The following MPV17L variants were observed in gnomAD, a reference collection of about 807,000 sequenced individuals.
The protein encoded by MPV17L is MPV17 mitochondrial inner membrane protein like.
A neutral mutation model predicts 25.8 loss-of-function variants in MPV17L; 24 were observed. The ratio of observed to expected loss-of-function variants is 0.93; its 90% CI spans 0.67 to 1.31. MPV17L has a LOEUF of 1.31. Ranked by LOEUF, MPV17L falls within the 50% of genes most tolerant of loss-of-function variation. The probability of loss-of-function intolerance (pLI) is 0.00; values close to 1 mark genes in which losing one functional copy is unlikely to be tolerated. For missense variants in MPV17L, 250 were observed against 265.6 expected (o/e 0.94, Z 0.41); for synonymous variants, 102 against 115.3 (o/e 0.88, Z 0.74).
intron 1 of MPV17L, among the ~76,000 whole-genome samples, chr16:15,397,061 G>T (rs530550997): frequency 1.3e-5 from 2 of 152,230 alleles, no homozygotes; most frequent in East Asian, 3.9e-4. Flanking sequence ...CCACCAAGAG[G>T]CGGATTTTGA....
intron 2 of MPV17L, 135 bp from the exon 3 acceptor site, chr16:15,407,689 C>T: frequency 2.5e-6 from 2 of 807,592 alleles, no homozygotes; most frequent in Non-Finnish European, 3.8e-6. Context: ...TTGCGGTGAG[C>T]TAAGATTGCA....
intron 2 of MPV17L, among the ~76,000 whole-genome samples, chr16:15,402,678 T>TTTTG (rs1013886582): frequency 6.6e-6 from 1 of 152,174 alleles, no homozygotes; most frequent in Non-Finnish European, 1.5e-5. Context: ...GTTTTGGTTT[T>TTTTG]TTTGTTTGTT....
rs768445626 is a variant in MPV17L, at chr16:15,396,129, G to C, written c.232G>C (p.Ala78Pro). 37 of 1,547,016 alleles carry C rather than the reference G, an allele frequency of 2.4e-5. No homozygotes were observed. The South Asian group carries it at 4.3e-4, about 18-fold the overall frequency. Residue 78 changes from alanine (A) to proline (P), a missense_variant, in exon 1 of 4, where the codon GCG becomes CCG. Physicochemically the swap from Ala to Pro is conservative, Grantham distance 27. Transcript: ENST00000396385. Reference protein sequence around the residue: ...RLLERALPGRAPHALLAKLLC... With the variant: ...RLLERALPGRPPHALLAKLLC... ...GCTGGAGCGCGCGCTCCCGGGCCGAGCGCCGCACGCCCTGCTGGCCAAGTT... is the reference window on the plus strand; with the variant it reads ...GCTGGAGCGCGCGCTCCCGGGCCGACCGCCGCACGCCCTGCTGGCCAAGTT...
At position 15,410,921 on chromosome 16, in the gene MPV17L, TAAG is replaced by T. The variant is rs1298997158; in HGVS notation, c.*2814_*2816del. ...ATACAATGGAAAAATGGTTTCGTAATAAGAAGATACATTTTAACATCAAAACGT... is the reference window on the plus strand; with the variant it reads ...ATACAATGGAAAAATGGTTTCGTAATAAGATACATTTTAACATCAAAACGT... On this transcript the variant is annotated 3_prime_UTR_variant, in exon 4 of 4. Coordinates refer to ENST00000396385, the MANE Select transcript of MPV17L (RefSeq NM_001128423.2). 1 of 151,322 alleles carries T rather than the reference TAAG, an allele frequency of 6.6e-6. No homozygotes were observed. Among genetic ancestry groups the T allele is most frequent in the African/African-American group, 2.5e-5 (1 of 40,600 alleles). The allele number at this position is 151,322 out of a possible 1,614,324, so 9.4% of individuals were successfully genotyped here.
intron 2 of MPV17L, among the ~76,000 whole-genome samples, chr16:15,403,926 G>C (rs1211558571): frequency 1.3e-5 from 2 of 151,980 alleles, no homozygotes; most frequent in Non-Finnish European, 2.9e-5. Flanking sequence ...ACAGCACTTT[G>C]GTAGGCCAAG....
At chr16:15,403,665 A>G (rs547325298) in intron 2 of MPV17L, among the ~76,000 whole-genome samples, 1 of 141,270 alleles carries the variant, frequency 7.1e-6, no homozygotes, top group African/African-American at 2.6e-5. Flanking sequence ...GAGTGAGACC[A>G]TGGTTCAAAA....
At chr16:15,407,660 T>C (rs1160070051) in intron 2 of MPV17L, among the ~76,000 whole-genome samples, 164 bp from the exon 3 acceptor site, 1 of 151,996 alleles carries the variant, frequency 6.6e-6, no homozygotes, top group East Asian at 1.9e-4. Context: ...GACAATTGCT[T>C]GAACCCAGGA....
At chr16:15,401,289 A>C (rs1159090130) in intron 2 of MPV17L, among the ~76,000 whole-genome samples, 1 of 150,682 alleles carries the variant, frequency 6.6e-6, no homozygotes, top group Non-Finnish European at 1.5e-5. Context: ...ATTATTTTTA[A>C]ATTTTTTGGT....
At chr16:15,403,145 A>G (rs139906372) in intron 2 of MPV17L, among the ~76,000 whole-genome samples, 15,812 of 150,240 alleles carry the variant, frequency 0.11, 878 homozygotes, top group South Asian at 0.13. Flanking sequence ...GGAGGCGGGT[A>G]GATCACAAGG....
chr16:15,396,300 T>A (rs952903864), intron 1 of MPV17L, 93 bp downstream of exon 1: 1 of 1,453,540 alleles, frequency 6.9e-7, no homozygotes, highest in Admixed American at 2.2e-5. Context: ...GGGAGGGCGC[T>A]GCAGGAGCCT....
rs1293366254 is a variant in MPV17L at position 15,413,121 on chromosome 16, G to A, written c.*5009G>A. The A allele has an allele frequency of 3.9e-5, 6 of 152,142 alleles. No individual in the cohort carries two copies. Among genetic ancestry groups the A allele is most frequent in the Non-Finnish European group, 7.3e-5 (5 of 68,034 alleles). 9.4% of individuals were successfully genotyped at this position (152,142 alleles called of 1,614,324 possible). A position where few individuals can be genotyped will look rare whatever the true frequency, so the allele number is the denominator to read the frequency against. On this transcript the variant is annotated 3_prime_UTR_variant, in exon 4 of 4. Coordinates refer to ENST00000396385, the MANE Select transcript of MPV17L (RefSeq NM_001128423.2). ...TATATTCTGGAGGCAGCTTTCATTT[G>A]AAATTAGGTTCATCTTCTGAGAGTA...
Position 15,410,808 on chromosome 16 carries a change from T to C in MPV17L, c.*2696T>C, listed in dbSNP as rs1029954787. ...TTTACCTGAATGTAAAAGGCATTAATATATTTTACATTATTGGGACCATAG... is the reference window on the plus strand; with the variant it reads ...TTTACCTGAATGTAAAAGGCATTAACATATTTTACATTATTGGGACCATAG... On this transcript the variant is annotated 3_prime_UTR_variant, in exon 4 of 4. Coordinates refer to ENST00000396385, the MANE Select transcript of MPV17L (RefSeq NM_001128423.2). 6.6e-6 allele frequency: 1 copy of C among 152,228 alleles called. No homozygotes were observed. The highest frequency in any genetic ancestry group is 1.5e-5 in the Non-Finnish European group (1 of 68,042). The allele number at this position is 152,228 out of a possible 1,614,324, so 9.4% of individuals were successfully genotyped here. A position where few individuals can be genotyped will look rare whatever the true frequency, so the allele number is the denominator to read the frequency against.
intron 1 of MPV17L, among the ~76,000 whole-genome samples, chr16:15,397,632 C>T (rs1024808623): frequency 6.6e-5 from 10 of 152,098 alleles, no homozygotes; most frequent in Admixed American, 2.6e-4. Context: ...CAGATCTCCC[C>T]CCAAATGGGA....
At position 15,407,977 on chromosome 16, in the gene MPV17L, C is replaced by T. The variant is rs749677483; in HGVS notation, c.456C>T (p.Tyr152=). 8.1e-6 allele frequency: 13 copies of T among 1,613,846 alleles called. No homozygotes were observed. The highest frequency in any genetic ancestry group is 4.5e-5 in the East Asian group (2 of 44,888). ...TTCCTGTTCAATGGAGAACAGCTTA[C>T]GCTGGAGTCTGTGGTTTTCTCTGGG... ...SLVPVQWRTA[Y]AGVCGFLWAT... is the part of the protein sequence containing the mutation. Residue 152 remains tyrosine (Y), a synonymous_variant, in exon 4 of 4, where the codon TAC becomes TAT. Transcript: ENST00000396385.
At chr16:15,397,556 G>A (rs2050598104) in intron 1 of MPV17L, among the ~76,000 whole-genome samples, 1 of 152,134 alleles carries the variant, frequency 6.6e-6, no homozygotes, top group South Asian at 2.1e-4. Flanking sequence ...CCTTGAAGGG[G>A]ATGGGGTGGG....
At chr16:15,397,236 C>T (rs2050594738) in intron 1 of MPV17L, among the ~76,000 whole-genome samples, 1 of 152,116 alleles carries the variant, frequency 6.6e-6, no homozygotes, top group Non-Finnish European at 1.5e-5. Context: ...ATGATGCTAG[C>T]ACATAGGCTG....
At chr16:15,399,503 T>C (rs1404000202) in intron 1 of MPV17L, 1 of 430,994 alleles carries the variant, frequency 2.3e-6, no homozygotes, top group Non-Finnish European at 4.6e-6. Flanking sequence ...CCTCCTGGGC[T>C]CAAGCGATCC....
chr16:15,396,830 G>A (rs1192139069), intron 1 of MPV17L, among the ~76,000 whole-genome samples: 1 of 152,054 alleles, frequency 6.6e-6, no homozygotes, highest in Non-Finnish European at 1.5e-5. Context: ...TTTCCCCTGG[G>A]GTCTCACGGA....
Position 15,410,651 on chromosome 16 carries a change from T to A in MPV17L, c.*2539T>A, listed in dbSNP as rs2050725808. The A allele has an allele frequency of 6.6e-6, 1 of 152,230 alleles. No individual in the cohort carries two copies. Among genetic ancestry groups the A allele is most frequent in the South Asian group, 2.1e-4 (1 of 4,832 alleles). 9.4% of individuals were successfully genotyped at this position (152,230 alleles called of 1,614,324 possible). On this transcript the variant is annotated 3_prime_UTR_variant, in exon 4 of 4. Transcript: ENST00000396385. ...GATTTCAAGTTGTGAAGCCCTGAAC[T>A]GTTAATTTATCCTGAGAATGTATAT...
Sources: allele counts gnomAD v4.1 joint callset (sites outside exome capture counted in the v4.1 genomes callset), GRCh38; gene constraint gnomAD v4.1.1; transcripts MANE v1.5; gene names NCBI Gene and HGNC (gene_info 2026-07-23, HGNC 2026-07-21).